Variants in ZNF510 observed in about 807,000 individuals in gnomAD.
The protein encoded by ZNF510 is zinc finger protein 510.
ZNF510 carries 15 observed loss-of-function variants against 18.1 expected under a neutral mutation model. The ratio of observed to expected loss-of-function variants is 0.83; its 90% CI spans 0.55 to 1.28. The LOEUF is 1.28. ZNF510 is among the 50% of genes most tolerant of loss of function. The pLI, the probability that ZNF510 is intolerant of heterozygous loss-of-function variation, is 0.00. For missense variants in ZNF510, 724 were observed against 791.8 expected (o/e 0.91, Z 1.03); for synonymous variants, 261 against 266.4 (o/e 0.98, Z 0.20).
chr9:96,768,645 A>G (rs76830140), intron 3 of ZNF510, among the ~76,000 whole-genome samples: 9,041 of 152,280 alleles, frequency 0.059, 884 homozygotes, highest in African/African-American at 0.2. Flanking sequence ...AAGAAGGTAC[A>G]TGACTTATAC....
Position 96,756,463 on chromosome 9 carries a change from T to G in ZNF510, c.*2315A>C, listed in dbSNP as rs1422925539. On this transcript the variant is annotated 3_prime_UTR_variant, in exon 6 of 6. Transcript: ENST00000223428. ...CGTTCTGGAAAGAGGTGATACATTATTTCCCTTCTAAGAGACAGCTACTAC... is the reference window on the plus strand; with the variant it reads ...CGTTCTGGAAAGAGGTGATACATTAGTTCCCTTCTAAGAGACAGCTACTAC... The G allele has an allele frequency of 6.6e-6, 1 of 152,216 alleles. No individual in the cohort carries two copies. The highest frequency in any genetic ancestry group is 1.5e-5 in the Non-Finnish European group (1 of 68,046). The allele number at this position is 152,216 out of a possible 1,614,324, so 9.4% of individuals were successfully genotyped here. A position where few individuals can be genotyped will look rare whatever the true frequency, so the allele number is the denominator to read the frequency against.
At chr9:96,773,170 G>C (rs1403822979) in intron 3 of ZNF510, among the ~76,000 whole-genome samples, 1 of 152,148 alleles carries the variant, frequency 6.6e-6, no homozygotes, top group East Asian at 1.9e-4. Context: ...TCAGAATTGT[G>C]GTTGCCCTGT....
intron 3 of ZNF510, among the ~76,000 whole-genome samples, chr9:96,773,607 G>C (rs1849628479): frequency 6.6e-6 from 1 of 150,848 alleles, no homozygotes; most frequent in South Asian, 2.1e-4. Flanking sequence ...ATGGAGTCTA[G>C]CTCTGTCGCC....
chr9:96,769,820 T>C (rs1022787170), intron 3 of ZNF510, among the ~76,000 whole-genome samples: 1 of 152,170 alleles, frequency 6.6e-6, no homozygotes, highest in Non-Finnish European at 1.5e-5. Context: ...CATGAAAAGA[T>C]GTTGAATGTC....
chr9:96,777,108 C>G (rs1335397110), intron 1 of ZNF510, among the ~76,000 whole-genome samples: 4 of 152,196 alleles, frequency 2.6e-5, no homozygotes, highest in Non-Finnish European at 5.9e-5. Context: ...CCTAGAATAT[C>G]AGACTGACTT....
chr9:96,762,474 A>G (rs1051781357), intron 5 of ZNF510, among the ~76,000 whole-genome samples: 2 of 149,728 alleles, frequency 1.3e-5, no homozygotes, highest in Non-Finnish European at 2.9e-5. Flanking sequence ...GCACCACTGC[A>G]CTCCAGCCTG....
chr9:96,762,588 T>C (rs1033390806), intron 5 of ZNF510, among the ~76,000 whole-genome samples: 19 of 152,050 alleles, frequency 1.2e-4, no homozygotes, highest in African/African-American at 4.6e-4. Flanking sequence ...TTCCAATCAA[T>C]CAGTGGATAA....
rs563103199 is a variant in ZNF510 at position 96,765,762 on chromosome 9, C to T, written c.130-2130G>A. 2.1e-4 allele frequency among the ~76,000 whole-genome samples: 32 copies of T among 152,232 alleles called. No homozygotes were observed. The South Asian group carries it at 2.9e-3, about 14-fold the overall frequency. ...TCCTGACCTCGTGATCCACCCACCT[C>T]GGCCTCCCAAAGTGCTGGGATTACA... On this transcript the variant is annotated intron_variant, in intron 3 of 5. Transcript: ENST00000223428.
At chr9:96,774,757 A>C in intron 3 of ZNF510, 31 bp downstream of exon 3, 3 of 1,586,448 alleles carry the variant, frequency 1.9e-6, no homozygotes, top group Admixed American at 3.3e-5. Context: ...TATGAAATCC[A>C]TGATGAAAAA....
intron 3 of ZNF510, among the ~76,000 whole-genome samples, chr9:96,766,437 G>A (rs1244405030): frequency 6.9e-6 from 1 of 144,054 alleles, no homozygotes; most frequent in Admixed American, 7.2e-5. Context: ...ATTTGTTTAT[G>A]TATTATCTAT....
intron 4 of ZNF510, 117 bp downstream of exon 4, chr9:96,763,389 C>T (rs2117966090): frequency 1.4e-6 from 2 of 1,390,300 alleles, no homozygotes; most frequent in East Asian, 2.3e-5. Flanking sequence ...CTTTGGAATC[C>T]TGAATGAAAA....
In ZNF510 at chr9:96,760,102, T is replaced by A. The variant is rs776302544; in HGVS notation, c.728A>T (p.Lys243Met). ...CTCCAAAGTTTGAAACTTTGGATGC[T>A]TGGGAAGATTTTCATTATAATTGAG... ...KALNYNENLP[K>M]HPKFQTLEQA... Residue 243 changes from lysine (K) to methionine (M), a missense_variant, in exon 6 of 6, where the codon AAG (lysine) becomes ATG (methionine). Physicochemically the swap from Lys to Met is moderately conservative, Grantham distance 95. Transcript: ENST00000223428. 1.9e-6 allele frequency: 3 copies of A among 1,608,806 alleles called. No individual in the cohort carries two copies. Among genetic ancestry groups the A allele is most frequent in the Non-Finnish European group, 2.5e-6 (3 of 1,178,352 alleles).
In ZNF510 at chr9:96,760,229, T is replaced by TTTTC. The variant is rs1473046503; in HGVS notation, c.597_600dup (p.Ile201GlufsTer6). On this transcript the variant is annotated frameshift_variant, in exon 6 of 6. Coordinates refer to ENST00000223428, the MANE Select transcript of ZNF510 (RefSeq NM_014930.3). LOFTEE classifies it low-confidence loss of function (END_TRUNC). ...TTCTCACATACATTACCGCAACCTA[T>TTTTC]TTTCTTTGTTGAATAGTTTCTATTA... The TTTTC allele has an allele frequency of 6.2e-7, 1 of 1,612,844 alleles. No homozygotes were observed. Among genetic ancestry groups the TTTTC allele is most frequent in the Non-Finnish European group, 8.5e-7 (1 of 1,179,608 alleles).
rs1367932478 is a variant in ZNF510, at chr9:96,759,170, A to T, written c.1660T>A (p.Trp554Arg). Reference sequence around the variant, plus strand: ...TGTTGAATGAGATGATCTTTTCGCCAGAAGGATTTTTCACATTCATTACAC... The same window carrying T: ...TGTTGAATGAGATGATCTTTTCGCCTGAAGGATTTTTCACATTCATTACAC... ...YQCNECEKSF[W>R]RKDHLIQHQK... is the part of the protein sequence containing the mutation. The change falls in exon 6 of 6, where the codon TGG becomes AGG. Residue 554 changes from tryptophan (W) to arginine (R), a missense_variant. Coordinates refer to ENST00000223428, the MANE Select transcript of ZNF510 (RefSeq NM_014930.3). 1.2e-6 allele frequency: 2 copies of T among 1,613,716 alleles called. No individual in the cohort carries two copies. The highest frequency in any genetic ancestry group is 1.7e-6 in the Non-Finnish European group (2 of 1,179,956).
Position 96,773,576 on chromosome 9 carries a change from ATC to A in ZNF510, c.129+1210_129+1211del, listed in dbSNP as rs1286094675. Among the ~76,000 whole-genome samples, 3 of 148,392 alleles carry A rather than the reference ATC, an allele frequency of 2.0e-5. No individual in the cohort carries two copies. The East Asian group carries it at 6.6e-4, about 32-fold the overall frequency. On this transcript the variant is annotated intron_variant, in intron 3 of 5. Coordinates refer to ENST00000223428, the MANE Select transcript of ZNF510 (RefSeq NM_014930.3). ...CTCAGAAGGAACCAAACCTGTTGAC[ATC>A]TGTTTTTTTTTTTTTGAGATGGAGT...
At chr9:96,768,531 A>C (rs1353765241) in intron 3 of ZNF510, among the ~76,000 whole-genome samples, 1 of 152,238 alleles carries the variant, frequency 6.6e-6, no homozygotes, top group Non-Finnish European at 1.5e-5. Context: ...AGATGAACAC[A>C]CAAGAATCAT....
At chr9:96,763,701 AC>A in intron 3 of ZNF510, 69 bp from the exon 4 acceptor site, 1 of 1,425,048 alleles carries the variant, frequency 7.0e-7, no homozygotes, top group East Asian at 2.5e-5. Flanking sequence ...AGCCATGAAA[AC>A]AATTCTTATC....
In ZNF510 at chr9:96,758,886, C is replaced by T; in HGVS notation, c.1944G>A (p.Arg648=). 6.2e-7 allele frequency: 1 copy of T among 1,614,058 alleles called. No homozygotes were observed. The highest frequency in any genetic ancestry group is 8.5e-7 in the Non-Finnish European group (1 of 1,179,980). Residue 648 remains arginine, a synonymous_variant, in exon 6 of 6, where the codon AGG becomes AGA. Transcript: ENST00000223428. The part of the protein sequence containing the change: ...GQKSNLRIHQ[R]THSGEKSYEC... ...CATAAGATTTCTCCCCACTGTGAGT[C>T]CTTTGATGTATTCTGAGGTTTGATT...
intron 3 of ZNF510, among the ~76,000 whole-genome samples, chr9:96,768,845 T>C (rs746866832): frequency 6.6e-6 from 1 of 152,072 alleles, no homozygotes; most frequent in African/African-American, 2.4e-5. Context: ...CTACAATTTA[T>C]ATGAAATTGC....
Sources: gnomAD v4.1 joint callset for allele counts (sites outside exome capture counted in the v4.1 genomes callset) on GRCh38, gnomAD v4.1.1 for gene constraint, MANE v1.5 for transcripts, NCBI Gene and HGNC (gene_info 2026-07-23, HGNC 2026-07-21) for gene names.